The following JAZF1 variants were observed in gnomAD, a reference collection of about 807,000 sequenced individuals.
JAZF1 encodes the protein juxtaposed with another zinc finger protein 1.
Under a neutral mutation model 26.4 loss-of-function variants are expected in JAZF1, and 8 were observed. The observed-to-expected ratio is 0.30, with a 90% CI of 0.18 to 0.55. JAZF1 has a LOEUF of 0.55. Among genes scored for constraint, JAZF1 ranks in the 20% least tolerant of loss-of-function variants. The probability of loss-of-function intolerance (pLI) is 0.94; values close to 1 mark genes in which losing one functional copy is unlikely to be tolerated. For synonymous variants in JAZF1, 126 were observed against 122.3 expected (o/e 1.03, Z -0.20); for missense variants, 199 against 322.0 (o/e 0.62, Z 2.92).
chr7:27,871,449 G>C (rs998740536), intron 3 of JAZF1, among the ~76,000 whole-genome samples: 1 of 152,200 alleles, frequency 6.6e-6, no homozygotes, highest in Non-Finnish European at 1.5e-5. Context: ...GTCATCCACA[G>C]ATGTCCTAAT....
intron 3 of JAZF1, chr7:27,842,472 T>C (rs1322565595): frequency 6.6e-6 from 1 of 152,196 alleles, no homozygotes; most frequent in Admixed American, 6.5e-5. Context: ...GCAGTCTGTT[T>C]TGAAGTCTGT....
chr7:28,139,810 T>C (rs1006429273), intron 1 of JAZF1, among the ~76,000 whole-genome samples: 1 of 152,196 alleles, frequency 6.6e-6, no homozygotes, highest in African/African-American at 2.4e-5. Context: ...GACTAGGCCT[T>C]GGACACAAGG....
chr7:28,058,460 A>C (rs1241867188), intron 1 of JAZF1, among the ~76,000 whole-genome samples: 1 of 152,126 alleles, frequency 6.6e-6, no homozygotes, highest in African/African-American at 2.4e-5. Context: ...CCACTGCTTC[A>C]CTGATTCTAC....
At position 27,983,086 on chromosome 7, in the gene JAZF1, T is replaced by C. The variant is rs1785620828; in HGVS notation, c.188+8823A>G. On this transcript the variant is annotated intron_variant, in intron 2 of 4. Transcript: ENST00000283928. ...TTGGCAGCAACGGAACAAAGCTGGA[T>C]GGAGAATGACTTTGACGAGTTGAGA... Among the ~76,000 whole-genome samples, 6 of 152,222 alleles carry C rather than the reference T, an allele frequency of 3.9e-5. 1 individual carries two copies. In the South Asian group the frequency reaches 1.2e-3, roughly 31 times the overall value.
chr7:27,998,059 A>C (rs536794503), intron 1 of JAZF1, among the ~76,000 whole-genome samples: 11 of 82,744 alleles, frequency 1.3e-4, no homozygotes, highest in Admixed American at 2.2e-4. Context: ...GGAAGGAAGG[A>C]AGGAAGGAAG....
intron 2 of JAZF1, among the ~76,000 whole-genome samples, chr7:27,923,372 A>G (rs1352866256): frequency 6.6e-6 from 1 of 152,240 alleles, no homozygotes; most frequent in Non-Finnish European, 1.5e-5. Flanking sequence ...TGAACTGTCA[A>G]CAGCCAAAGT....
intron 1 of JAZF1, among the ~76,000 whole-genome samples, chr7:28,107,415 G>A (rs1267774691): frequency 6.6e-6 from 1 of 152,202 alleles, no homozygotes; most frequent in Non-Finnish European, 1.5e-5. Flanking sequence ...TTGGGGCGCT[G>A]AGAATGTTCT....
At chr7:28,135,285 C>A (rs564920110) in intron 1 of JAZF1, among the ~76,000 whole-genome samples, 1 of 152,286 alleles carries the variant, frequency 6.6e-6, no homozygotes, top group Non-Finnish European at 1.5e-5. Context: ...TGGCTTGATA[C>A]CTAACAAGCA....
intron 1 of JAZF1, among the ~76,000 whole-genome samples, chr7:28,095,045 C>T (rs1037760554): frequency 6.4e-4 from 98 of 152,262 alleles, no homozygotes; most frequent in African/African-American, 2.3e-3. Context: ...CAAGGGTGTG[C>T]CATCTCCGAA....
chr7:28,164,492 A>T (rs767720164), intron 1 of JAZF1, among the ~76,000 whole-genome samples: 3 of 152,216 alleles, frequency 2.0e-5, no homozygotes, highest in Non-Finnish European at 4.4e-5. Context: ...TACAGATAAC[A>T]GGTCCAGATG....
intron 2 of JAZF1, among the ~76,000 whole-genome samples, chr7:27,978,913 G>A (rs11767060): frequency 1.3e-5 from 2 of 151,694 alleles, no homozygotes; most frequent in Non-Finnish European, 2.9e-5. Flanking sequence ...GAGAAAGGCA[G>A]GGGAGAGGGG....
At chr7:28,144,021 TG>T (rs1465412552) in intron 1 of JAZF1, among the ~76,000 whole-genome samples, 1 of 152,106 alleles carries the variant, frequency 6.6e-6, no homozygotes, top group Non-Finnish European at 1.5e-5. Flanking sequence ...CCCATGAAAA[TG>T]AAAGTTGCTG....
chr7:27,898,315 T>TTTG (rs1723062901), intron 2 of JAZF1, among the ~76,000 whole-genome samples: 1 of 32,952 alleles, frequency 3.0e-5, no homozygotes, highest in African/African-American at 9.1e-5. Flanking sequence ...ACATCGGTTT[T>TTTG]TTTTTTTTTT....
At chr7:27,833,040 C>T (rs1782737750) in intron 4 of JAZF1, 64 bp from the exon 5 acceptor site, 1 of 1,371,906 alleles carries the variant, frequency 7.3e-7, no homozygotes. Context: ...CTTCGGAAAC[C>T]TCAATTTGGG....
chr7:27,971,591 T>C (rs1016900591), intron 2 of JAZF1, among the ~76,000 whole-genome samples: 1 of 152,202 alleles, frequency 6.6e-6, no homozygotes, highest in Non-Finnish European at 1.5e-5. Context: ...GAGAGTACTC[T>C]ACAAATGGGA....
At chr7:27,856,381 A>C (rs530251723) in intron 3 of JAZF1, among the ~76,000 whole-genome samples, 2 of 152,326 alleles carry the variant, frequency 1.3e-5, no homozygotes, top group African/African-American at 4.8e-5. Context: ...GTGTGGACCC[A>C]AAGAGTGAGC....
At chr7:28,144,851 A>G (rs999400268) in intron 1 of JAZF1, among the ~76,000 whole-genome samples, 3 of 152,214 alleles carry the variant, frequency 2.0e-5, no homozygotes, top group Non-Finnish European at 4.4e-5. Context: ...TCTGCTGGAA[A>G]ATGGCACTTG....
intron 3 of JAZF1, among the ~76,000 whole-genome samples, chr7:27,867,858 T>C (rs1783504658): frequency 6.6e-6 from 1 of 152,164 alleles, no homozygotes; most frequent in African/African-American, 2.4e-5. Context: ...GACATGGGCA[T>C]TGTGGCCAGT....
chr7:27,875,143 G>A (rs1337970159), intron 3 of JAZF1, among the ~76,000 whole-genome samples: 1 of 152,138 alleles, frequency 6.6e-6, no homozygotes, highest in Non-Finnish European at 1.5e-5. Context: ...AAACCTGCTT[G>A]TCTCCCATCC....
Sources: gnomAD v4.1 joint callset for allele counts (sites outside exome capture counted in the v4.1 genomes callset) on GRCh38, gnomAD v4.1.1 for gene constraint, MANE v1.5 for transcripts, NCBI Gene and HGNC (gene_info 2026-07-23, HGNC 2026-07-21) for gene names.